The following CNTN4 variants were observed in gnomAD, a reference collection of about 807,000 sequenced individuals.
CNTN4 encodes the protein contactin 4.
CNTN4 carries 77 observed loss-of-function variants against 122.5 expected under a neutral mutation model. That is an observed-to-expected ratio of 0.63 (90% CI 0.52 to 0.76). The LOEUF is 0.76. CNTN4 is among the 30% of genes least tolerant of loss of function. The pLI is 0.00. For synonymous variants in CNTN4, 512 were observed against 447.0 expected (o/e 1.15, Z -1.83); for missense variants, 1,256 against 1,259.1 (o/e 1.00, Z 0.04).
chr3:2,768,410 A>G (rs1454012619), intron 6 of CNTN4, among the ~76,000 whole-genome samples: 2 of 152,234 alleles, frequency 1.3e-5, no homozygotes, highest in Admixed American at 1.3e-4. Flanking sequence ...TAAATTTGTT[A>G]ACTACAAATT....
intron 2 of CNTN4, among the ~76,000 whole-genome samples, chr3:2,115,834 A>G (rs985716516): frequency 2.0e-5 from 3 of 152,170 alleles, no homozygotes; most frequent in African/African-American, 7.2e-5. Flanking sequence ...AACACCTAAA[A>G]AGTCCTTTCT....
chr3:2,628,083 G>A (rs111812383), intron 4 of CNTN4, among the ~76,000 whole-genome samples: 4 of 152,188 alleles, frequency 2.6e-5, no homozygotes, highest in African/African-American at 9.6e-5. Flanking sequence ...TTCCCCTTTT[G>A]GGCTAGTGAG....
intron 13 of CNTN4, among the ~76,000 whole-genome samples, chr3:2,961,935 C>G (rs1027110315): frequency 4.6e-5 from 7 of 152,190 alleles, no homozygotes; most frequent in Non-Finnish European, 7.3e-5. Flanking sequence ...GTGGCACTTC[C>G]TATAAAAATC....
chr3:2,334,731 C>T (rs1458353694), intron 2 of CNTN4, among the ~76,000 whole-genome samples: 2 of 152,148 alleles, frequency 1.3e-5, no homozygotes, highest in East Asian at 1.9e-4. Flanking sequence ...AGGTCTGACT[C>T]TAACAGGCAA....
chr3:3,012,990 A>C (rs1049551100), intron 14 of CNTN4, among the ~76,000 whole-genome samples: 2 of 151,842 alleles, frequency 1.3e-5, no homozygotes, highest in African/African-American at 2.4e-5. Flanking sequence ...AATAAAAAAA[A>C]CCCTTTGTAT....
Position 2,156,107 on chromosome 3 carries a change from G to C in CNTN4, c.-145+55468G>C, listed in dbSNP as rs952185487. Reference sequence around the variant, plus strand: ...GCCAGTGGCCTCACTGCTTCAGAAGGGGGTGTAATCAGGGTGAAGAGCAAA... The same window carrying C: ...GCCAGTGGCCTCACTGCTTCAGAAGCGGGTGTAATCAGGGTGAAGAGCAAA... On this transcript the variant is annotated intron_variant, in intron 2 of 24. Coordinates refer to ENST00000418658, the MANE Select transcript of CNTN4 (RefSeq NM_175607.3). 4.6e-5 allele frequency among the ~76,000 whole-genome samples: 7 copies of C among 152,254 alleles called. No homozygotes were observed. The Middle Eastern group carries it at 0.014, about 296-fold the overall frequency.
At chr3:2,585,339 G>A (rs1283426856) in intron 4 of CNTN4, among the ~76,000 whole-genome samples, 1 of 150,970 alleles carries the variant, frequency 6.6e-6, no homozygotes, top group Non-Finnish European at 1.5e-5. Flanking sequence ...CCCTTACTGG[G>A]CATATACCCA....
At chr3:2,323,358 GC>G (rs1179813725) in intron 2 of CNTN4, among the ~76,000 whole-genome samples, 1 of 152,136 alleles carries the variant, frequency 6.6e-6, no homozygotes, top group Non-Finnish European at 1.5e-5. Context: ...GAACGTTGTT[GC>G]GTGCCATGGT....
At chr3:2,411,736 T>A (rs2047232497) in intron 3 of CNTN4, among the ~76,000 whole-genome samples, 1 of 152,206 alleles carries the variant, frequency 6.6e-6, no homozygotes, top group African/African-American at 2.4e-5. Flanking sequence ...CACTTTATTC[T>A]TTGTGTCTTA....
chr3:2,654,835 G>T (rs900367080), intron 4 of CNTN4, among the ~76,000 whole-genome samples: 1 of 152,104 alleles, frequency 6.6e-6, no homozygotes, highest in Non-Finnish European at 1.5e-5. Flanking sequence ...CTGGGTCATA[G>T]CAGCTTCTTT....
chr3:2,334,569 TAAC>T lies in CNTN4; in HGVS notation c.-144-4608_-144-4606del, dbSNP rs1559462888. Among the ~76,000 whole-genome samples the T allele has an allele frequency of 1.1e-4, 17 of 151,730 alleles. No homozygotes were observed. The South Asian group carries it at 1.9e-3, about 17-fold the overall frequency. On this transcript the variant is annotated intron_variant, in intron 2 of 24. Transcript: ENST00000418658. ...AACTTGGTTGAGTTCATGCAGCAAA[TAAC>T]GTGGTAAAGCTTAGACTCAAATATG...
At chr3:2,140,010 T>C (rs866603030) in intron 2 of CNTN4, among the ~76,000 whole-genome samples, 1 of 152,174 alleles carries the variant, frequency 6.6e-6, no homozygotes, top group Non-Finnish European at 1.5e-5. Flanking sequence ...GTGCCGTTCT[T>C]GTCATAGCAA....
Position 3,043,193 on chromosome 3 carries a change from G to A in CNTN4, c.2698+30G>A, listed in dbSNP as rs1304636407. The A allele has an allele frequency of 2.5e-6, 4 of 1,610,196 alleles. No individual in the cohort carries two copies. The African/African-American group carries it at 4.0e-5, about 16-fold the overall frequency. On this transcript the variant is annotated intron_variant, in intron 22 of 24. Coordinates refer to ENST00000418658, the MANE Select transcript of CNTN4 (RefSeq NM_175607.3). ...GAACAGACTTGCTCAGAAATATTTTGGGGATTCATCACACATATCCCAAGT... is the reference window on the plus strand; with the variant it reads ...GAACAGACTTGCTCAGAAATATTTTAGGGATTCATCACACATATCCCAAGT...
At chr3:2,768,122 G>A (rs756541996) in intron 6 of CNTN4, among the ~76,000 whole-genome samples, 6 of 152,182 alleles carry the variant, frequency 3.9e-5, no homozygotes, top group Non-Finnish European at 7.3e-5. Context: ...TGCTTTGAGT[G>A]TCATTGCCAT....
chr3:2,622,129 C>G (rs2082013186), intron 4 of CNTN4, among the ~76,000 whole-genome samples: 1 of 152,152 alleles, frequency 6.6e-6, no homozygotes, highest in African/African-American at 2.4e-5. Flanking sequence ...GCATGCCTAT[C>G]TTTTGCTTTG....
intron 10 of CNTN4, among the ~76,000 whole-genome samples, chr3:2,898,761 A>G (rs1032594874): frequency 6.6e-6 from 1 of 152,028 alleles, no homozygotes; most frequent in Non-Finnish European, 1.5e-5. Flanking sequence ...GTTTGGCTTC[A>G]TTGTTAATAT....
intron 4 of CNTN4, among the ~76,000 whole-genome samples, chr3:2,726,458 CAAAG>C (rs934281495): frequency 6.6e-6 from 1 of 152,054 alleles, no homozygotes; most frequent in Non-Finnish European, 1.5e-5. Context: ...GTTGGTTCAC[CAAAG>C]AAAGAGTAGA....
At chr3:2,730,556 A>G (rs2088604920) in intron 4 of CNTN4, among the ~76,000 whole-genome samples, 1 of 152,216 alleles carries the variant, frequency 6.6e-6, no homozygotes, top group Non-Finnish European at 1.5e-5. Flanking sequence ...AGGATTGTTC[A>G]CAGATGCCCT....
chr3:2,963,182 A>G (rs149288253), intron 13 of CNTN4, among the ~76,000 whole-genome samples: 11 of 152,060 alleles, frequency 7.2e-5, no homozygotes, highest in African/African-American at 2.7e-4. Flanking sequence ...TGCCCCCATC[A>G]TTATCATATC....
Sources: gnomAD v4.1 joint callset for allele counts (sites outside exome capture counted in the v4.1 genomes callset) on GRCh38, gnomAD v4.1.1 for gene constraint, MANE v1.5 for transcripts, NCBI Gene and HGNC (gene_info 2026-07-23, HGNC 2026-07-21) for gene names.